CD96: variants seen among roughly 807,000 people sequenced by gnomAD.
The protein encoded by CD96 is T-cell surface protein tactile.
In CD96, 70 loss-of-function variants were observed where a neutral mutation model predicts 71.3. That is an observed-to-expected ratio of 0.98 (90% CI 0.81 to 1.20). CD96 has a LOEUF of 1.20. Among genes scored for constraint, CD96 ranks in the 50% most tolerant of loss-of-function variants. CD96 has a pLI of 0.00. For synonymous variants in CD96, 248 were observed against 233.0 expected (o/e 1.06, Z -0.59); for missense variants, 742 against 677.5 (o/e 1.10, Z -1.06).
chr3:111,611,302 G>A lies in CD96; in HGVS notation c.1180+4510G>A, dbSNP rs546833785. 3.3e-5 allele frequency among the ~76,000 whole-genome samples: 5 copies of A among 152,288 alleles called. No homozygotes were observed. The South Asian group carries it at 1.0e-3, about 32-fold the overall frequency. On this transcript the variant is annotated intron_variant, in intron 8 of 13. Coordinates refer to ENST00000352690, the MANE Select transcript of CD96 (RefSeq NM_005816.5). Reference sequence around the variant, plus strand: ...GGATGATCAGACATTGAGGGGCACAGGGTAAAGGAAGCAACTGACCAGGGG... The same window carrying A: ...GGATGATCAGACATTGAGGGGCACAAGGTAAAGGAAGCAACTGACCAGGGG...
At chr3:111,623,983 G>A (rs1006773749) in intron 9 of CD96, among the ~76,000 whole-genome samples, 161 bp downstream of exon 9, 1 of 152,084 alleles carries the variant, frequency 6.6e-6, no homozygotes, top group Non-Finnish European at 1.5e-5. Flanking sequence ...ACTATATATT[G>A]ATATGACAAT....
At position 111,580,144 on chromosome 3, in the gene CD96, G is replaced by C. The variant is rs186870463; in HGVS notation, c.751+910G>C. 7.2e-5 allele frequency among the ~76,000 whole-genome samples: 11 copies of C among 152,306 alleles called. No individual in the cohort carries two copies. The East Asian group carries it at 2.1e-3, about 29-fold the overall frequency. On this transcript the variant is annotated intron_variant, in intron 4 of 13. Transcript: ENST00000352690. ...GGCCCAGCTGGGGTGAGACCATCCAGGTCCAGCCCTTCCAGCAAAGGAGCC... is the reference window on the plus strand; with the variant it reads ...GGCCCAGCTGGGGTGAGACCATCCACGTCCAGCCCTTCCAGCAAAGGAGCC...
intron 13 of CD96, 125 bp downstream of exon 13, chr3:111,647,791 A>G: frequency 1.4e-6 from 1 of 730,172 alleles, no homozygotes; most frequent in Non-Finnish European, 2.3e-6. Context: ...TGCTCACAGA[A>G]GCTCAGAGAG....
At chr3:111,591,624 A>G (rs1936992687) in intron 5 of CD96, among the ~76,000 whole-genome samples, 1 of 152,100 alleles carries the variant, frequency 6.6e-6, no homozygotes, top group Non-Finnish European at 1.5e-5. Flanking sequence ...GCAACATAAT[A>G]AGGTTCTGAG....
At chr3:111,578,430 C>A (rs965934518) in intron 3 of CD96, among the ~76,000 whole-genome samples, 51 of 152,168 alleles carry the variant, frequency 3.4e-4, no homozygotes, top group Admixed American at 1.5e-3. Context: ...AAGGTTAGGA[C>A]CAGAACAAGG....
Position 111,622,441 on chromosome 3 carries a change from G to A in CD96, c.1181-1313G>A, listed in dbSNP as rs148162134. Among the ~76,000 whole-genome samples, 1,199 of 152,206 alleles carry A rather than the reference G, an allele frequency of 7.9e-3. 8 individuals are homozygous for A. Among genetic ancestry groups the A allele is most frequent in the Non-Finnish European group, 0.011 (729 of 68,000 alleles). On this transcript the variant is annotated intron_variant, in intron 8 of 13. Coordinates refer to ENST00000352690, the MANE Select transcript of CD96 (RefSeq NM_005816.5). ...ATGACTCTTTTAATCATGAAGCCAC[G>A]GTGTGTAAGTATCTTTTTGTAGTTC...
chr3:111,635,473 C>T (rs1002672869), intron 10 of CD96, among the ~76,000 whole-genome samples: 5 of 151,986 alleles, frequency 3.3e-5, no homozygotes, highest in Admixed American at 2.6e-4. Flanking sequence ...CATGAAATTA[C>T]AAAAAGAAAA....
intron 13 of CD96, among the ~76,000 whole-genome samples, 198 bp downstream of exon 13, chr3:111,647,864 C>A (rs1939906356): frequency 1.3e-5 from 2 of 152,108 alleles, no homozygotes; most frequent in Non-Finnish European, 2.9e-5. Context: ...ACTCAGTATC[C>A]CTCTCTGCAT....
intron 2 of CD96, among the ~76,000 whole-genome samples, chr3:111,561,583 C>G (rs1384866827): frequency 6.8e-6 from 1 of 145,988 alleles, no homozygotes; most frequent in Non-Finnish European, 1.5e-5. Flanking sequence ...TCTCCAGCTG[C>G]GTGCTGGGAG....
intron 12 of CD96, among the ~76,000 whole-genome samples, chr3:111,640,739 A>T (rs1939552428): frequency 6.6e-6 from 1 of 152,208 alleles, no homozygotes; most frequent in Non-Finnish European, 1.5e-5. Context: ...TGTGAGACAG[A>T]AGCACCAGGT....
At position 111,598,132 on chromosome 3, in the gene CD96, T is replaced by C; in HGVS notation, c.820T>C (p.Cys274Arg). Residue 274 changes from cysteine (C) to arginine (R), a missense_variant, in exon 6 of 14, where the codon TGC becomes CGC. Coordinates refer to ENST00000352690, the MANE Select transcript of CD96 (RefSeq NM_005816.5). Reference protein sequence around the residue: ...TDVLVERRFTCLLKNVFPKAN... With the variant: ...TDVLVERRFTRLLKNVFPKAN... Reference sequence around the variant, plus strand: ...GTCTTTACCCCAGAGAAGATTTACCTGCTTACTAAAGAATGTATTTCCCAA... The same window carrying C: ...GTCTTTACCCCAGAGAAGATTTACCCGCTTACTAAAGAATGTATTTCCCAA... 7.0e-7 allele frequency: 1 copy of C among 1,431,434 alleles called. No individual in the cohort carries two copies. The highest frequency in any genetic ancestry group is 9.9e-7 in the Non-Finnish European group (1 of 1,014,202). 88.7% of individuals were successfully genotyped at this position (1,431,434 alleles called of 1,614,324 possible). A position where few individuals can be genotyped will look rare whatever the true frequency, so the allele number is the denominator to read the frequency against.
At chr3:111,605,629 T>G (rs910670431) in intron 7 of CD96, among the ~76,000 whole-genome samples, 2 of 152,188 alleles carry the variant, frequency 1.3e-5, no homozygotes, top group African/African-American at 4.8e-5. Context: ...ACAAAAGCAT[T>G]CATATAGTAG....
At chr3:111,635,437 G>C (rs1388573548) in intron 10 of CD96, among the ~76,000 whole-genome samples, 1 of 152,152 alleles carries the variant, frequency 6.6e-6, no homozygotes, top group Non-Finnish European at 1.5e-5. Context: ...AATTGGGAAA[G>C]TTAGTAGAAG....
chr3:111,656,299 T>A (rs1940227742), downstream of CD96, among the ~76,000 whole-genome samples: 2 of 152,304 alleles, frequency 1.3e-5, no homozygotes, highest in Admixed American at 6.5e-5. Flanking sequence ...TTTAAAAATG[T>A]ACTGAGACAT....
chr3:111,623,833 C>A lies in CD96; in HGVS notation c.1249+11C>A. On this transcript the variant is annotated intron_variant, in intron 9 of 13. Transcript: ENST00000352690. The stretch of plus-strand genomic sequence containing the variant: ...ACACCACTCCTCAACGTGAGTTCAG[C>A]AAAGTTTTCCTACATGATTGGAAAG... 2 of 1,571,466 alleles carry A rather than the reference C, an allele frequency of 1.3e-6. No homozygotes were observed. The highest frequency in any genetic ancestry group is 1.8e-6 in the Non-Finnish European group (2 of 1,141,188).
chr3:111,583,671 G>T (rs1288283163), intron 4 of CD96, among the ~76,000 whole-genome samples: 2 of 152,222 alleles, frequency 1.3e-5, no homozygotes, highest in Non-Finnish European at 2.9e-5. Context: ...AGCTGCCAAG[G>T]CTTGGGGATT....
At chr3:111,561,443 T>C (rs1183782066) in intron 2 of CD96, among the ~76,000 whole-genome samples, 1 of 140,334 alleles carries the variant, frequency 7.1e-6, no homozygotes, top group Admixed American at 7.6e-5. Context: ...GACCCTCAGC[T>C]GCAGGTCTGT....
intron 5 of CD96, among the ~76,000 whole-genome samples, chr3:111,591,396 G>C (rs1220159252): frequency 1.2e-5 from 1 of 84,888 alleles, no homozygotes; most frequent in South Asian, 4.4e-4. Flanking sequence ...AAAAAAAAAA[G>C]ACACCAGAAC....
chr3:111,575,814 T>C (rs767427767), intron 3 of CD96, among the ~76,000 whole-genome samples: 3 of 152,232 alleles, frequency 2.0e-5, no homozygotes, highest in Non-Finnish European at 4.4e-5. Context: ...AACTCACTAC[T>C]ACAAGCACTT....
Sources: gnomAD v4.1 joint callset for allele counts (sites outside exome capture counted in the v4.1 genomes callset) on GRCh38, gnomAD v4.1.1 for gene constraint, MANE v1.5 for transcripts, NCBI Gene and HGNC (gene_info 2026-07-23, HGNC 2026-07-21) for gene names.